Variants in ABCC12 observed in about 807,000 individuals in gnomAD.
ABCC12 encodes the protein ATP binding cassette subfamily C member 12.
In ABCC12, 142 loss-of-function variants were observed where a neutral mutation model predicts 151.1. The observed-to-expected ratio is 0.94, with a 90% confidence interval of 0.82 to 1.08. The LOEUF is 1.08. Among genes scored for constraint, ABCC12 ranks in the 50% least tolerant of loss-of-function variants. The pLI, the probability that ABCC12 is intolerant of heterozygous loss-of-function variation, is 0.00. For synonymous variants in ABCC12, 645 were observed against 646.4 expected (o/e 1.00, Z 0.03); for missense variants, 1,638 against 1,691.1 (o/e 0.97, Z 0.55).
At chr16:48,085,371 C>T (rs973103378) in intron 29 of ABCC12, among the ~76,000 whole-genome samples, 8 of 152,030 alleles carry the variant, frequency 5.3e-5, no homozygotes, top group African/African-American at 1.9e-4. Context: ...GCGAGACCTC[C>T]CCAGGGGAAG....
chr16:48,115,332 T>G, intron 15 of ABCC12, 83 bp downstream of exon 15: 3 of 1,443,434 alleles, frequency 2.1e-6, no homozygotes, highest in Non-Finnish European at 2.9e-6. Context: ...CAGGCAGATA[T>G]AGGCAGAAGA....
chr16:48,094,957 A>G (rs1963041417), intron 24 of ABCC12, among the ~76,000 whole-genome samples: 5 of 152,214 alleles, frequency 3.3e-5, no homozygotes, highest in Admixed American at 1.3e-4. Context: ...GACAAAACCA[A>G]TGGCATGAAA....
chr16:48,124,328 T>A, intron 11 of ABCC12, 44 bp from the exon 12 acceptor site: 2 of 1,589,156 alleles, frequency 1.3e-6, no homozygotes, highest in Non-Finnish European at 1.7e-6. Context: ...CTCTCCCACT[T>A]CTTAGAGGGT....
Position 48,119,967 on chromosome 16 carries a change from A to G in ABCC12, c.1712+1749T>C, listed in dbSNP as rs367932098. On this transcript the variant is annotated intron_variant, in intron 13 of 30. Coordinates refer to ENST00000311303, the MANE Select transcript of ABCC12 (RefSeq NM_001393797.1). The stretch of plus-strand genomic sequence containing the variant: ...TGTAAAATGGGGATATAATGCCACA[A>G]TCTCTCTAAATGGGTGGTTAAGGGA... Among the ~76,000 whole-genome samples, 260 of 152,252 alleles carry G rather than the reference A, an allele frequency of 1.7e-3. 2 individuals carry two copies. Among genetic ancestry groups the G allele is most frequent in the Non-Finnish European group, 2.5e-3 (173 of 68,030 alleles).
intron 11 of ABCC12, among the ~76,000 whole-genome samples, chr16:48,127,911 AT>A (rs1964293275): frequency 6.6e-6 from 1 of 152,170 alleles, no homozygotes; most frequent in Non-Finnish European, 1.5e-5. Context: ...AAAAAATAAA[AT>A]AAAATTTAAT....
chr16:48,151,561 T>A (rs1965117678), intron 2 of ABCC12, among the ~76,000 whole-genome samples: 1 of 152,228 alleles, frequency 6.6e-6, no homozygotes, highest in Non-Finnish European at 1.5e-5. Context: ...TAACATGAGA[T>A]GTTATTAATG....
rs1400344267 is a variant in ABCC12, at chr16:48,081,812, CCT to C, written c.*1901_*1902del. Among the ~76,000 whole-genome samples, 2 of 152,174 alleles carry C rather than the reference CCT, an allele frequency of 1.3e-5. No individual in the cohort carries two copies. The highest frequency in any genetic ancestry group is 2.9e-5 in the Non-Finnish European group (2 of 68,030). ...AGCAGCAGGGATCATTGTAGTCTAT[CCT>C]CTGTCCTCATGAAAACACCACCTCT... is the stretch of plus-strand genomic sequence containing the variant. On this transcript the variant is annotated 3_prime_UTR_variant, in exon 31 of 31. Coordinates refer to ENST00000311303, the MANE Select transcript of ABCC12 (RefSeq NM_001393797.1).
chr16:48,144,898 G>A (rs1964946970), intron 3 of ABCC12, among the ~76,000 whole-genome samples: 1 of 152,088 alleles, frequency 6.6e-6, no homozygotes, highest in Non-Finnish European at 1.5e-5. Flanking sequence ...CAGTAAGATG[G>A]GTGGCAGGGT....
At chr16:48,112,929 A>G (rs1597311912) in intron 15 of ABCC12, among the ~76,000 whole-genome samples, 1 of 152,058 alleles carries the variant, frequency 6.6e-6, no homozygotes, top group East Asian at 1.9e-4. Flanking sequence ...TCATTTCCAT[A>G]TCATTCCTGA....
chr16:48,138,265 C>G lies in ABCC12; in HGVS notation c.942G>C (p.Met314Ile). 6.2e-7 allele frequency: 1 copy of G among 1,612,206 alleles called. No individual in the cohort carries two copies. Among genetic ancestry groups the G allele is most frequent in the Non-Finnish European group, 8.5e-7 (1 of 1,178,500 alleles). The change falls in exon 8 of 31, where the codon ATG (methionine) becomes ATC (isoleucine). Residue 314 changes from methionine (M) to isoleucine (I), a missense_variant. Coordinates refer to ENST00000311303, the MANE Select transcript of ABCC12 (RefSeq NM_001393797.1). Reference protein sequence around the residue: ...EFLTCIRLIKMYAWEKSFTNT... With the variant: ...EFLTCIRLIKIYAWEKSFTNT... ...TGGTAAAAGATTTCTCCCAGGCATA[C>G]ATTTTGATCAGCCTGATGCAGGTCA...
At chr16:48,128,424 G>A (rs955919795) in intron 11 of ABCC12, 35 bp downstream of exon 11, 5 of 1,606,550 alleles carry the variant, frequency 3.1e-6, no homozygotes, top group African/African-American at 2.7e-5. Flanking sequence ...GCAAGGAGGA[G>A]GGCTGGAGGC....
chr16:48,108,933 T>G (rs1305657883), intron 18 of ABCC12, among the ~76,000 whole-genome samples: 2 of 152,198 alleles, frequency 1.3e-5, no homozygotes, highest in East Asian at 3.9e-4. Context: ...CTTCATCCCA[T>G]GTGAAAAATC....
intron 11 of ABCC12, among the ~76,000 whole-genome samples, chr16:48,124,937 A>G (rs1964191055): frequency 6.6e-6 from 1 of 152,192 alleles, no homozygotes; most frequent in Non-Finnish European, 1.5e-5. Flanking sequence ...CAAGCAAATG[A>G]AATGTGGGGC....
intron 23 of ABCC12, among the ~76,000 whole-genome samples, chr16:48,098,680 C>A (rs757896674): frequency 2.0e-5 from 3 of 152,228 alleles, no homozygotes; most frequent in Admixed American, 2.0e-4. Flanking sequence ...AAATCACTAG[C>A]TGGGATCAAA....
intron 14 of ABCC12, among the ~76,000 whole-genome samples, chr16:48,115,843 C>A (rs559645826): frequency 6.6e-6 from 1 of 152,326 alleles, no homozygotes; most frequent in East Asian, 1.9e-4. Context: ...TGGGCAGCGG[C>A]AACGAGGGCA....
At chr16:48,113,873 C>G (rs937582626) in intron 15 of ABCC12, among the ~76,000 whole-genome samples, 6 of 152,274 alleles carry the variant, frequency 3.9e-5, no homozygotes, top group Non-Finnish European at 8.8e-5. Context: ...ACAGCCATGA[C>G]CCACATCTGT....
chr16:48,126,164 T>C (rs963615369), intron 11 of ABCC12, among the ~76,000 whole-genome samples: 4 of 152,222 alleles, frequency 2.6e-5, no homozygotes, highest in Admixed American at 1.3e-4. Flanking sequence ...CTGAATCTAT[T>C]TAATTCCCCT....
At chr16:48,099,345 C>T (rs563885937) in intron 23 of ABCC12, among the ~76,000 whole-genome samples, 4 of 151,910 alleles carry the variant, frequency 2.6e-5, no homozygotes, top group Non-Finnish European at 4.4e-5. Flanking sequence ...TGCAATGAGC[C>T]GAGATGATGC....
At position 48,084,053 on chromosome 16, in the gene ABCC12, G is replaced by A. The variant is rs1028318850; in HGVS notation, c.3849C>T (p.Ala1283=). 1 of 1,609,804 alleles carries A rather than the reference G, an allele frequency of 6.2e-7. No homozygotes were observed. The highest frequency in any genetic ancestry group is 1.1e-5 in the South Asian group (1 of 89,440). ...RNSKIILLDE[A]TASMDSKTDT... is the part of the protein sequence containing the mutation. ...CAGTCTTGGAGTCCATAGAGGCGGTGGCTTCATCAAGGAGAATGATCTGTG... is the reference window on the plus strand; with the variant it reads ...CAGTCTTGGAGTCCATAGAGGCGGTAGCTTCATCAAGGAGAATGATCTGTG... The change falls in exon 30 of 31, where the codon GCC becomes GCT. Residue 1283 remains alanine (A), a synonymous_variant. Transcript: ENST00000311303.
Sources: allele counts gnomAD v4.1 joint callset (sites outside exome capture counted in the v4.1 genomes callset), GRCh38; gene constraint gnomAD v4.1.1; transcripts MANE v1.5; gene names NCBI Gene and HGNC (gene_info 2026-07-23, HGNC 2026-07-21).